Variants in MYO5B observed in about 807,000 individuals in gnomAD.
MYO5B encodes unconventional myosin-Vb.
A neutral mutation model predicts 229.3 loss-of-function variants in MYO5B; 143 were observed. The observed-to-expected ratio is 0.62, with a 90% confidence interval of 0.54 to 0.72. The LOEUF (loss-of-function observed/expected upper bound fraction) is 0.72. MYO5B is among the 30% of genes least tolerant of loss of function. MYO5B has a pLI of 0.00. For missense variants in MYO5B, 2,321 were observed against 2,331.0 expected (o/e 1.00, Z 0.09); for synonymous variants, 918 against 885.2 (o/e 1.04, Z -0.66).
chr18:50,067,818 C>A (rs983215996), intron 1 of MYO5B, among the ~76,000 whole-genome samples: 2 of 152,124 alleles, frequency 1.3e-5, no homozygotes, highest in African/African-American at 4.8e-5. Context: ...CCAAATACAC[C>A]TCTTCTATCA....
chr18:50,147,277 G>T (rs959550921), intron 1 of MYO5B, among the ~76,000 whole-genome samples: 2 of 151,946 alleles, frequency 1.3e-5, no homozygotes, highest in African/African-American at 4.8e-5. Flanking sequence ...CCCTTAGCTC[G>T]CTCCCTTCAC....
intron 1 of MYO5B, among the ~76,000 whole-genome samples, chr18:50,128,175 A>C (rs2032196713): frequency 6.6e-6 from 1 of 152,248 alleles, no homozygotes; most frequent in African/African-American, 2.4e-5. Context: ...CTTTCTCTAG[A>C]GAATCCTAAT....
At chr18:50,151,774 C>G (rs906436596) in intron 1 of MYO5B, among the ~76,000 whole-genome samples, 18 of 152,088 alleles carry the variant, frequency 1.2e-4, no homozygotes, top group Non-Finnish European at 7.4e-5. Flanking sequence ...AGTCTGTACT[C>G]GGATGTTCAA....
At chr18:50,045,517 C>A (rs1453984424) in intron 2 of MYO5B, among the ~76,000 whole-genome samples, 1 of 152,130 alleles carries the variant, frequency 6.6e-6, no homozygotes, top group African/African-American at 2.4e-5. Flanking sequence ...CCTCGGCCTC[C>A]CAAGTAGCTC....
At chr18:50,124,907 A>T (rs2032132592) in intron 1 of MYO5B, among the ~76,000 whole-genome samples, 1 of 151,642 alleles carries the variant, frequency 6.6e-6, no homozygotes, top group Non-Finnish European at 1.5e-5. Flanking sequence ...CCAGACTGGG[A>T]GAGGACAGAG....
At chr18:50,173,600 A>AG (rs1188441072) in intron 1 of MYO5B, among the ~76,000 whole-genome samples, 1 of 152,164 alleles carries the variant, frequency 6.6e-6, no homozygotes, top group Non-Finnish European at 1.5e-5. Context: ...CAGAGCAGTG[A>AG]GGGGGCAAGA....
intron 2 of MYO5B, among the ~76,000 whole-genome samples, chr18:50,053,533 T>C (rs984581478): frequency 1.3e-5 from 2 of 152,196 alleles, no homozygotes; most frequent in Non-Finnish European, 2.9e-5. Context: ...CATTTTTTTT[T>C]CCTGGGGGTG....
At chr18:49,875,581 G>A in intron 26 of MYO5B, 106 bp downstream of exon 26, 4 of 1,492,682 alleles carry the variant, frequency 2.7e-6, no homozygotes, top group Non-Finnish European at 3.7e-6. Context: ...AGACTTAGCA[G>A]GAGCACAATC....
chr18:49,974,206 A>G (rs533703402), intron 10 of MYO5B, 144 bp downstream of exon 10: 6 of 1,203,878 alleles, frequency 5.0e-6, no homozygotes, highest in Middle Eastern at 5.0e-4. Flanking sequence ...GTGTCAACTA[A>G]TCAACTAAAA....
chr18:49,980,838 G>A (rs907200962), intron 8 of MYO5B, among the ~76,000 whole-genome samples: 1 of 152,230 alleles, frequency 6.6e-6, no homozygotes, highest in African/African-American at 2.4e-5. Flanking sequence ...GAGCAAAGCA[G>A]AGGCAGCAAT....
chr18:49,904,708 G>A lies in MYO5B; in HGVS notation c.2535C>T (p.Phe845=), dbSNP rs766796035. 1.9e-6 allele frequency: 3 copies of A among 1,614,086 alleles called. No homozygotes were observed. In the South Asian group the frequency reaches 3.3e-5, roughly 18 times the overall value. Residue 845 remains phenylalanine, a synonymous_variant, in exon 20 of 40, where the codon TTC becomes TTT. Transcript: ENST00000285039. The stretch of plus-strand genomic sequence containing the variant: ...TTCTCCGCACAAACATGGCCCGGGT[G>A]AAGGCCTGGATAACAACGGCAGCTC... The part of the protein sequence containing the change: ...VRRAAVVIQA[F]TRAMFVRRTY...
chr18:50,080,744 G>A (rs55740515), intron 1 of MYO5B, among the ~76,000 whole-genome samples: 1 of 152,132 alleles, frequency 6.6e-6, no homozygotes, highest in Admixed American at 6.5e-5. Flanking sequence ...GTGCCAGGTT[G>A]CCATGCTGGG....
At chr18:49,915,556 C>T (rs2025004653) in intron 17 of MYO5B, among the ~76,000 whole-genome samples, 1 of 152,238 alleles carries the variant, frequency 6.6e-6, no homozygotes, top group African/African-American at 2.4e-5. Flanking sequence ...GCCCTTTACT[C>T]ACCGAGCAGA....
chr18:50,104,443 T>C (rs2031718865), intron 1 of MYO5B, among the ~76,000 whole-genome samples: 1 of 152,066 alleles, frequency 6.6e-6, no homozygotes, highest in African/African-American at 2.4e-5. Flanking sequence ...CATTAATTTA[T>C]TCAATGAGGA....
rs568206570 is a variant in MYO5B, at chr18:50,183,050, A to G, written c.27+11717T>C. 2.0e-5 allele frequency among the ~76,000 whole-genome samples: 3 copies of G among 152,210 alleles called. No homozygotes were observed. The East Asian group carries it at 5.8e-4, about 29-fold the overall frequency. ...TAATGAAACAGTGAATCTAAAAACT[A>G]CCTATGACCTCAAAGCTTTTGATTT... On this transcript the variant is annotated intron_variant, in intron 1 of 39. Coordinates refer to ENST00000285039, the MANE Select transcript of MYO5B (RefSeq NM_001080467.3).
intron 1 of MYO5B, among the ~76,000 whole-genome samples, chr18:50,145,037 C>T (rs530417002): frequency 6.6e-6 from 1 of 152,192 alleles, no homozygotes; most frequent in Non-Finnish European, 1.5e-5. Context: ...CTGGGAGAGG[C>T]AACAACTCAG....
chr18:50,038,240 C>A (rs942078646), intron 3 of MYO5B, among the ~76,000 whole-genome samples: 1 of 152,166 alleles, frequency 6.6e-6, no homozygotes. Flanking sequence ...AAACCAGAAG[C>A]CTTTCCAGTC....
At chr18:49,975,283 T>C (rs939930050) in intron 9 of MYO5B, among the ~76,000 whole-genome samples, 1 of 152,096 alleles carries the variant, frequency 6.6e-6, no homozygotes, top group African/African-American at 2.4e-5. Context: ...AGAAGTCAGT[T>C]CCCTACTCTG....
intron 4 of MYO5B, among the ~76,000 whole-genome samples, chr18:50,014,173 T>G (rs1374040207): frequency 1.3e-5 from 2 of 151,670 alleles, no homozygotes; most frequent in Non-Finnish European, 2.9e-5. Context: ...GGGCTCACAG[T>G]TAAGAGAAGC....
Sources: allele counts gnomAD v4.1 joint callset (sites outside exome capture counted in the v4.1 genomes callset), GRCh38; gene constraint gnomAD v4.1.1; transcripts MANE v1.5; gene names NCBI Gene and HGNC (gene_info 2026-07-23, HGNC 2026-07-21).